Variants in GPCPD1 observed in about 807,000 individuals in gnomAD.
GPCPD1 encodes the protein glycerophosphocholine phosphodiesterase 1.
GPCPD1 carries 29 observed loss-of-function variants against 89.2 expected under a neutral mutation model. The ratio of observed to expected loss-of-function variants is 0.33; its 90% CI spans 0.24 to 0.44. The LOEUF (loss-of-function observed/expected upper bound fraction) is 0.44. GPCPD1 is among the 20% of genes least tolerant of loss of function. GPCPD1 has a pLI of 1.00. For missense variants in GPCPD1, 594 were observed against 808.9 expected, an observed-to-expected ratio of 0.73 and a Z score of 3.22; for synonymous variants, 258 against 266.3, an observed-to-expected ratio of 0.97 and a Z score of 0.30.
chr20:5,564,509 A>G (rs1192272387), intron 15 of GPCPD1, among the ~76,000 whole-genome samples: 1 of 152,146 alleles, frequency 6.6e-6, no homozygotes, highest in Non-Finnish European at 1.5e-5. Flanking sequence ...AAAGAAAAAA[A>G]GTAGCACAAG....
At chr20:5,560,163 G>A in intron 16 of GPCPD1, 87 bp from the exon 17 acceptor site, 5 of 871,736 alleles carry the variant, frequency 5.7e-6, no homozygotes, top group Non-Finnish European at 8.5e-6. Flanking sequence ...AAGCTATGAT[G>A]AAAAAACCCC....
intron 8 of GPCPD1, among the ~76,000 whole-genome samples, chr20:5,577,274 G>A (rs1284013793): frequency 6.6e-6 from 1 of 151,530 alleles, no homozygotes; most frequent in African/African-American, 2.4e-5. Flanking sequence ...GCCTGCTTTG[G>A]CCTCCCAAAG....
rs1243931875 is a variant in GPCPD1, at chr20:5,604,425, A to G, written c.-13T>C. 6.5e-7 allele frequency: 1 copy of G among 1,539,700 alleles called. No homozygotes were observed. Among genetic ancestry groups the G allele is most frequent in the African/African-American group, 1.4e-5 (1 of 73,026 alleles). On this transcript the variant is annotated 5_prime_UTR_variant, in exon 2 of 20. Coordinates refer to ENST00000379019, the MANE Select transcript of GPCPD1 (RefSeq NM_019593.5). Reference sequence around the variant, plus strand: ...GAGAAGGTGTCATTCTGATGGATTTATTTTATGATGTCGTGCTAGGAAAAA... The same window carrying G: ...GAGAAGGTGTCATTCTGATGGATTTGTTTTATGATGTCGTGCTAGGAAAAA...
intron 3 of GPCPD1, among the ~76,000 whole-genome samples, chr20:5,594,982 G>A (rs1049441978): frequency 4.6e-5 from 7 of 152,112 alleles, no homozygotes; most frequent in African/African-American, 1.7e-4. Flanking sequence ...AATCTTTCAT[G>A]AAAGGAACAG....
intron 15 of GPCPD1, among the ~76,000 whole-genome samples, chr20:5,562,986 C>CTT (rs199811350): frequency 0.094 from 13,334 of 142,592 alleles, 1,016 homozygotes; most frequent in African/African-American, 0.21. Flanking sequence ...GTTAAAATTT[C>CTT]TTTTTTTTTT....
chr20:5,563,540 T>C (rs1315555699), intron 15 of GPCPD1, among the ~76,000 whole-genome samples: 1 of 151,282 alleles, frequency 6.6e-6, no homozygotes, highest in Non-Finnish European at 1.5e-5. Context: ...ACAGGATCTC[T>C]CTCTGTTGCC....
At chr20:5,559,797 G>A (rs1301760343) in intron 17 of GPCPD1, 143 bp downstream of exon 17, 2 of 485,986 alleles carry the variant, frequency 4.1e-6, no homozygotes, top group Admixed American at 4.1e-5. Flanking sequence ...AGTCAAGAAA[G>A]GGCATGAGGA....
chr20:5,580,847 T>C (rs1978424951), intron 6 of GPCPD1, among the ~76,000 whole-genome samples: 1 of 151,970 alleles, frequency 6.6e-6, no homozygotes, highest in Non-Finnish European at 1.5e-5. Context: ...CAATATCATC[T>C]TTGAAAAAAA....
At chr20:5,599,950 TA>T (rs1312037824) in intron 2 of GPCPD1, among the ~76,000 whole-genome samples, 1 of 152,260 alleles carries the variant, frequency 6.6e-6, no homozygotes, top group Non-Finnish European at 1.5e-5. Context: ...CTCTTCTTGC[TA>T]AATTTTATAT....
In GPCPD1 at chr20:5,575,401, T is replaced by A; in HGVS notation, c.1001+12A>T. The A allele has an allele frequency of 6.3e-7, 1 of 1,592,776 alleles. No individual in the cohort carries two copies. Among genetic ancestry groups the A allele is most frequent in the African/African-American group, 1.3e-5 (1 of 74,448 alleles). On this transcript the variant is annotated intron_variant, in intron 10 of 19. Coordinates refer to ENST00000379019, the MANE Select transcript of GPCPD1 (RefSeq NM_019593.5). ...ACACCAAATGCTAATCCTACTCAAA[T>A]ATTCAACTTACTGGGCAGTTGTTGT...
At chr20:5,603,462 G>T (rs1340962900) in intron 2 of GPCPD1, among the ~76,000 whole-genome samples, 1 of 152,110 alleles carries the variant, frequency 6.6e-6, no homozygotes, top group African/African-American at 2.4e-5. Context: ...AGTGGGCAAA[G>T]ATCTAGGCAG....
intron 16 of GPCPD1, 60 bp downstream of exon 16, chr20:5,561,405 G>A: frequency 3.3e-6 from 3 of 898,594 alleles, no homozygotes; most frequent in East Asian, 5.1e-5. Context: ...AGACAGGAAT[G>A]AAAGAATTTT....
Position 5,573,974 on chromosome 20 carries a change from AAAG to A in GPCPD1, c.1002-8_1002-6del, listed in dbSNP as rs1300406552. 1 of 1,414,412 alleles carries A rather than the reference AAAG, an allele frequency of 7.1e-7. No homozygotes were observed. The highest frequency in any genetic ancestry group is 1.4e-5 in the African/African-American group (1 of 71,382). The allele number at this position is 1,414,412 out of a possible 1,614,324, so 87.6% of individuals were successfully genotyped here. A position where few individuals can be genotyped will look rare whatever the true frequency, so the allele number is the denominator to read the frequency against. ...TTTTCTTGAACTTTAGCCAGCCTGA[AAAG>A]AAGAAATACAGTTAACATAGACTAT... On this transcript the variant is annotated splice_region_variant and splice_polypyrimidine_tract_variant and intron_variant, in intron 10 of 19. Coordinates refer to ENST00000379019, the MANE Select transcript of GPCPD1 (RefSeq NM_019593.5).
intron 11 of GPCPD1, among the ~76,000 whole-genome samples, chr20:5,573,236 C>T (rs1986817924): frequency 6.6e-6 from 1 of 152,084 alleles, no homozygotes; most frequent in African/African-American, 2.4e-5. Context: ...AGGCGCGGGC[C>T]ACCATGCCAG....
Position 5,561,527 on chromosome 20 carries a change from A to C in GPCPD1, c.1333T>G (p.Leu445Val). 1 of 1,588,130 alleles carries C rather than the reference A, an allele frequency of 6.3e-7. No homozygotes were observed. The highest frequency in any genetic ancestry group is 1.3e-5 in the African/African-American group (1 of 74,606). The change falls in exon 16 of 20, where the codon TTA becomes GTA. Residue 445 changes from leucine to valine, a missense_variant. Coordinates refer to ENST00000379019, the MANE Select transcript of GPCPD1 (RefSeq NM_019593.5). ...CCTACATCTTCTGGCAAAGACTCTA[A>C]AACCTACAGTTTTGTTTGTTGGTAA... ...NQPFPSLKMV[L>V]ESLPEDVGFN...
At chr20:5,582,492 A>T (rs1978606078) in intron 6 of GPCPD1, among the ~76,000 whole-genome samples, 1 of 152,178 alleles carries the variant, frequency 6.6e-6, no homozygotes, top group Non-Finnish European at 1.5e-5. Context: ...CTTAGCAGGA[A>T]AGCAAACTGG....
intron 19 of GPCPD1, chr20:5,548,967 G>GT (rs1433237702): frequency 1.0e-5 from 10 of 967,696 alleles, no homozygotes; most frequent in African/African-American, 4.9e-5. Context: ...GGGCACTCTG[G>GT]TTTTTTTAAA....
chr20:5,567,589 AAAAG>A (rs757099649), intron 12 of GPCPD1, 29 bp from the exon 13 acceptor site: 10 of 1,524,918 alleles, frequency 6.6e-6, no homozygotes, highest in African/African-American at 4.2e-5. Flanking sequence ...GAAAGAAAGA[AAAAG>A]AAAGAATAAA....
Position 5,547,252 on chromosome 20 carries a change from A to T in GPCPD1, c.*409T>A, listed in dbSNP as rs1985073051. ...TGCATTTGAGGTACTTATTTTTTTC[A>T]TGGTCAGGTATAATTATGCATAGTC... On this transcript the variant is annotated 3_prime_UTR_variant, in exon 20 of 20. Coordinates refer to ENST00000379019, the MANE Select transcript of GPCPD1 (RefSeq NM_019593.5). 1 of 152,708 alleles carries T rather than the reference A, an allele frequency of 6.5e-6. No homozygotes were observed. Among genetic ancestry groups the T allele is most frequent in the African/African-American group, 2.4e-5 (1 of 41,456 alleles). The allele number at this position is 152,708 out of a possible 1,614,324, so 9.5% of individuals were successfully genotyped here.
Sources: allele counts gnomAD v4.1 joint callset (sites outside exome capture counted in the v4.1 genomes callset), GRCh38; gene constraint gnomAD v4.1.1; transcripts MANE v1.5; gene names NCBI Gene and HGNC (gene_info 2026-07-23, HGNC 2026-07-21).